MUCL3: variants seen among roughly 807,000 people sequenced by gnomAD.
MUCL3 encodes mucin like 3, also known as mucin-like protein 3.
MUCL3 carries 42 observed loss-of-function variants against 70.2 expected under a neutral mutation model. That is an observed-to-expected ratio of 0.60 (90% CI 0.47 to 0.77). The LOEUF is 0.77. MUCL3 is among the 30% of genes least tolerant of loss of function. MUCL3 has a pLI of 0.00. For missense variants in MUCL3, 1,429 were observed against 1,670.0 expected (o/e 0.86, Z 2.52); for synonymous variants, 522 against 647.0 (o/e 0.81, Z 2.93).
At chr6:30,941,421 C>T (rs1795566388) in intron 1 of MUCL3, among the ~76,000 whole-genome samples, 1 of 151,044 alleles carries the variant, frequency 6.6e-6, no homozygotes, top group African/African-American at 2.4e-5. Flanking sequence ...CACAGCTGCT[C>T]ATGGTGATTT....
In MUCL3 at chr6:30,951,557, T is replaced by G; in HGVS notation, c.3093T>G (p.Asn1031Lys). 6.4e-7 allele frequency: 1 copy of G among 1,550,702 alleles called. No individual in the cohort carries two copies. Among genetic ancestry groups the G allele is most frequent in the Non-Finnish European group, 8.7e-7 (1 of 1,146,954 alleles). ...TEHGERTPSA[N>K]EKTIPSPAKP... ...ATGGAGAAAGGACACCATCAGCCAA[T>G]GAGAAGACCATACCATCTCCAGCAA... The change falls in exon 2 of 3, where the codon AAT (asparagine) becomes AAG (lysine). Residue 1031 changes from asparagine to lysine, a missense_variant. By Grantham distance (94) the Asn-to-Lys change is moderately conservative. Coordinates refer to ENST00000462446, the MANE Select transcript of MUCL3 (RefSeq NM_080870.4).
chr6:30,947,616 G>A (rs911089026), intron 1 of MUCL3, among the ~76,000 whole-genome samples: 1 of 150,156 alleles, frequency 6.7e-6, no homozygotes, highest in Non-Finnish European at 1.5e-5. Context: ...CACTGATAGG[G>A]GTGTTTTCTC....
At position 30,952,278 on chromosome 6, in the gene MUCL3, A is replaced by G. The variant is rs1033534027; in HGVS notation, c.3814A>G (p.Thr1272Ala). 8.1e-6 allele frequency: 13 copies of G among 1,614,090 alleles called. No individual in the cohort carries two copies. The highest frequency in any genetic ancestry group is 1.1e-5 in the Non-Finnish European group (13 of 1,180,012). The change falls in exon 2 of 3, where the codon ACT becomes GCT. Residue 1272 changes from threonine to alanine, a missense_variant. Coordinates refer to ENST00000462446, the MANE Select transcript of MUCL3 (RefSeq NM_080870.4). ...AACTGAAGTTACTCATCAGGTGCCCACTGGTTCTTTCACCCTCATTACATC... is the reference window on the plus strand; with the variant it reads ...AACTGAAGTTACTCATCAGGTGCCCGCTGGTTCTTTCACCCTCATTACATC... ...NKTEVTHQVP[T>A]GSFTLITSRT...
rs754506455 is a variant in MUCL3, at chr6:30,952,992, C to A, written c.4057C>A (p.Arg1353Ser). 1.2e-6 allele frequency: 2 copies of A among 1,614,202 alleles called. No homozygotes were observed. The highest frequency in any genetic ancestry group is 3.3e-5 in the Admixed American group (2 of 60,018). Residue 1353 changes from arginine to serine, a missense_variant, in exon 3 of 3, where the codon CGC (arginine) becomes AGC (serine). Arg to Ser is a moderately radical substitution (Grantham distance 110). Transcript: ENST00000462446. ...IFLVSYMMRTRRTLTQNTQYN... is the reference protein window; with the variant it reads ...IFLVSYMMRTSRTLTQNTQYN... ...ACAGGTCTCCTATATGATGCGGACA[C>A]GCCGCACACTAACCCAGAACACCCA... is the stretch of plus-strand genomic sequence containing the variant.
At position 30,949,325 on chromosome 6, in the gene MUCL3, A is replaced by G; in HGVS notation, c.861A>G (p.Glu287=). The G allele has an allele frequency of 1.3e-6, 2 of 1,551,832 alleles. No individual in the cohort carries two copies. Among genetic ancestry groups the G allele is most frequent in the Non-Finnish European group, 1.7e-6 (2 of 1,147,028 alleles). The change falls in exon 2 of 3, where the codon GAA becomes GAG. Residue 287 remains glutamate (E), a synonymous_variant. Coordinates refer to ENST00000462446, the MANE Select transcript of MUCL3 (RefSeq NM_080870.4). ...CACAATCTCTAGCAGAGCCTACAGAACATGGAGGAAGGACAGCCAATGAGA... is the reference window on the plus strand; with the variant it reads ...CACAATCTCTAGCAGAGCCTACAGAGCATGGAGGAAGGACAGCCAATGAGA... The part of the protein sequence containing the change: ...ELTQSLAEPT[E]HGGRTANENN...
At position 30,949,371 on chromosome 6, in the gene MUCL3, G is replaced by C; in HGVS notation, c.907G>C (p.Glu303Gln). Reference sequence around the variant, plus strand: ...TGAGAACAACACACCATCCCCAGCAGAGCCTACAGAAAATAGAGAAAGGAC... The same window carrying C: ...TGAGAACAACACACCATCCCCAGCACAGCCTACAGAAAATAGAGAAAGGAC... ...ANENNTPSPA[E>Q]PTENRERTAN... Residue 303 changes from glutamate to glutamine, a missense_variant, in exon 2 of 3, where the codon GAG becomes CAG. Transcript: ENST00000462446. 6.4e-7 allele frequency: 1 copy of C among 1,551,608 alleles called. No individual in the cohort carries two copies. The highest frequency in any genetic ancestry group is 8.7e-7 in the Non-Finnish European group (1 of 1,146,920).
chr6:30,944,284 CTCTT>C (rs902475169), intron 1 of MUCL3, among the ~76,000 whole-genome samples: 6 of 145,128 alleles, frequency 4.1e-5, no homozygotes, highest in African/African-American at 7.5e-5. Flanking sequence ...TTCTCTGTCT[CTCTT>C]TCTTTCTTCT....
At chr6:30,943,829 T>A (rs1171373533) in intron 1 of MUCL3, among the ~76,000 whole-genome samples, 1 of 151,910 alleles carries the variant, frequency 6.6e-6, no homozygotes, top group Non-Finnish European at 1.5e-5. Context: ...CCCCAAGCAA[T>A]CATTTGATTA....
At chr6:30,941,112 G>T (rs1429444082) in intron 1 of MUCL3, 31 bp downstream of exon 1, 1 of 1,546,130 alleles carries the variant, frequency 6.5e-7, no homozygotes, top group Admixed American at 2.0e-5. Flanking sequence ...ACAGAAGACA[G>T]AAACAGCTTG....
At chr6:30,947,308 T>C (rs1795819471) in intron 1 of MUCL3, among the ~76,000 whole-genome samples, 2 of 152,172 alleles carry the variant, frequency 1.3e-5, no homozygotes, top group Non-Finnish European at 2.9e-5. Flanking sequence ...AGACTTGGGC[T>C]TCTCTATTAC....
intron 1 of MUCL3, among the ~76,000 whole-genome samples, chr6:30,941,873 G>A (rs1795593989): frequency 6.6e-6 from 1 of 152,156 alleles, no homozygotes; most frequent in Non-Finnish European, 1.5e-5. Flanking sequence ...GCTAGAGGGA[G>A]GTAAGCAGGG....
Position 30,950,594 on chromosome 6 carries a change from C to A in MUCL3, c.2130C>A (p.Ala710=), listed in dbSNP as rs1057338517. The change falls in exon 2 of 3, where the codon GCC becomes GCA. Residue 710 remains alanine, a synonymous_variant. Coordinates refer to ENST00000462446, the MANE Select transcript of MUCL3 (RefSeq NM_080870.4). ...AACACGGAGAAAGGACCCCACTGGCCAATGAGAACACCACACTATCCCCAG... is the reference window on the plus strand; with the variant it reads ...AACACGGAGAAAGGACCCCACTGGCAAATGAGAACACCACACTATCCCCAG... ...PTEHGERTPL[A]NENTTLSPAE... is the part of the protein sequence containing the mutation. 1 of 1,550,152 alleles carries A rather than the reference C, an allele frequency of 6.5e-7. No homozygotes were observed. Among genetic ancestry groups the A allele is most frequent in the Non-Finnish European group, 8.7e-7 (1 of 1,146,684 alleles).
At chr6:30,941,763 C>T (rs1795590361) in intron 1 of MUCL3, among the ~76,000 whole-genome samples, 1 of 152,098 alleles carries the variant, frequency 6.6e-6, no homozygotes, top group Non-Finnish European at 1.5e-5. Flanking sequence ...TGCCCAGAGA[C>T]TCATCTCATT....
chr6:30,952,358 A>G lies in MUCL3; in HGVS notation c.3894A>G (p.Pro1298=). ...TSEATGNESH[P]YLNKDGSQKG... ...AAGCCACAGGAAACGAGAGCCATCC[A>G]TACCTCAATAAAGATGGCTCACAGA... is the stretch of plus-strand genomic sequence containing the variant. The change falls in exon 2 of 3, where the codon CCA becomes CCG. Residue 1298 remains proline, a synonymous_variant. Coordinates refer to ENST00000462446, the MANE Select transcript of MUCL3 (RefSeq NM_080870.4). 6.2e-7 allele frequency: 1 copy of G among 1,614,230 alleles called. No homozygotes were observed. The highest frequency in any genetic ancestry group is 8.5e-7 in the Non-Finnish European group (1 of 1,180,036).
chr6:30,952,326 A>G lies in MUCL3; in HGVS notation c.3862A>G (p.Thr1288Ala), dbSNP rs1760751723. 6.2e-7 allele frequency: 1 copy of G among 1,614,172 alleles called. No individual in the cohort carries two copies. Among genetic ancestry groups the G allele is most frequent in the Non-Finnish European group, 8.5e-7 (1 of 1,180,022 alleles). Residue 1288 changes from threonine (T) to alanine (A), a missense_variant, in exon 2 of 3, where the codon ACA becomes GCA. Physicochemically the swap from Thr to Ala is moderately conservative, Grantham distance 58. Transcript: ENST00000462446. ...ATCTAGAACGAAGCTGAGTTCTATC[A>G]CATCAGAAGCCACAGGAAACGAGAG... Reference protein sequence around the residue: ...ITSRTKLSSITSEATGNESHP... With the variant: ...ITSRTKLSSIASEATGNESHP...
At position 30,948,633 on chromosome 6, in the gene MUCL3, AG is replaced by A; in HGVS notation, c.170del (p.Ser57IlefsTer50). 6.4e-7 allele frequency: 1 copy of A among 1,551,662 alleles called. No homozygotes were observed. Among genetic ancestry groups the A allele is most frequent in the Non-Finnish European group, 8.7e-7 (1 of 1,146,986 alleles). ...IFPLTPGLVYSIPFDHIVLHS... is the reference protein window; with the variant it reads ...IFPLTPGLVYXIPFDHIVLHS... ...TCCCCTCACTCCAGGCCTTGTTTAT[AG>A]TATCCCTTTTGATCACATTGTTCTG... On this transcript the variant is annotated frameshift_variant, in exon 2 of 3. Coordinates refer to ENST00000462446, the MANE Select transcript of MUCL3 (RefSeq NM_080870.4). LOFTEE classifies it high-confidence loss of function.
chr6:30,952,975 C>T lies in MUCL3; in HGVS notation c.4040C>T (p.Ser1347Phe). 6.2e-7 allele frequency: 1 copy of T among 1,614,158 alleles called. No homozygotes were observed. The highest frequency in any genetic ancestry group is 8.5e-7 in the Non-Finnish European group (1 of 1,180,014). The change falls in exon 3 of 3, where the codon TCC becomes TTC. Residue 1347 changes from serine to phenylalanine, a missense_variant. Coordinates refer to ENST00000462446, the MANE Select transcript of MUCL3 (RefSeq NM_080870.4). ...CCTTTCTCATCCCAATCACAGGTCT[C>T]CTATATGATGCGGACACGCCGCACA... Reference protein sequence around the residue: ...LVFLGLIFLVSYMMRTRRTLT... With the variant: ...LVFLGLIFLVFYMMRTRRTLT...
In MUCL3 at chr6:30,948,996, G is replaced by A. The variant is rs558522189; in HGVS notation, c.532G>A (p.Val178Ile). The A allele has an allele frequency of 1.9e-6, 3 of 1,551,646 alleles. No homozygotes were observed. The highest frequency in any genetic ancestry group is 2.6e-6 in the Non-Finnish European group (3 of 1,146,984). ...CRKSTTGKST[V>I]TRKSDKTGRP... is the part of the protein sequence containing the mutation. ...TAAGTCCACAACAGGCAAATCAACG[G>A]TAACAAGAAAATCAGATAAAACTGG... Residue 178 changes from valine (V) to isoleucine (I), a missense_variant, in exon 2 of 3, where the codon GTA (valine) becomes ATA (isoleucine). Val to Ile is a conservative substitution (Grantham distance 29). Transcript: ENST00000462446.
At position 30,951,325 on chromosome 6, in the gene MUCL3, C is replaced by T. The variant is rs1478628947; in HGVS notation, c.2861C>T (p.Ala954Val). 34 of 1,546,594 alleles carry T rather than the reference C, an allele frequency of 2.2e-5. No individual in the cohort carries two copies. Among genetic ancestry groups the T allele is most frequent in the Middle Eastern group, 1.7e-4 (1 of 5,954 alleles). The change falls in exon 2 of 3, where the codon GCC becomes GTC. Residue 954 changes from alanine to valine, a missense_variant. By Grantham distance (64) the Ala-to-Val change is moderately conservative. Transcript: ENST00000462446. ...GGAGAAAGGATAGCCAATGAGAAGG[C>T]CACACCATCCCCAGCAAAGCCTACA... ...EHGERIANEK[A>V]TPSPAKPTEH...
Sources: gnomAD v4.1 joint callset for allele counts (sites outside exome capture counted in the v4.1 genomes callset) on GRCh38, gnomAD v4.1.1 for gene constraint, MANE v1.5 for transcripts, NCBI Gene and HGNC (gene_info 2026-07-23, HGNC 2026-07-21) for gene names.